Variants in JOSD1 observed in about 807,000 individuals in gnomAD.
JOSD1 encodes josephin-1.
JOSD1 carries 11 observed loss-of-function variants against 24.3 expected under a neutral mutation model. The ratio of observed to expected loss-of-function variants is 0.45; its 90% CI spans 0.29 to 0.75. The LOEUF (loss-of-function observed/expected upper bound fraction) is 0.75, where lower values mean the gene tolerates loss of function less well. Among genes scored for constraint, JOSD1 ranks in the 30% least tolerant of loss-of-function variants. The pLI, the probability that JOSD1 is intolerant of heterozygous loss-of-function variation, is 0.11. For missense variants in JOSD1, 184 were observed against 253.5 expected, an observed-to-expected ratio of 0.73 and a Z score of 1.86; for synonymous variants, 106 against 93.8, an observed-to-expected ratio of 1.13 and a Z score of -0.75.
chr22:38,685,600 A>C lies in JOSD1; in HGVS notation c.*2302T>G, dbSNP rs1034715983. On this transcript the variant is annotated 3_prime_UTR_variant, in exon 5 of 5. Coordinates refer to ENST00000683374, the MANE Select transcript of JOSD1 (RefSeq NM_001360236.2). ...TTTTCTTTACACAATTATAGAATTC[A>C]GGCAGACAAGGAGACATATATGGAG... 1 of 152,438 alleles carries C rather than the reference A, an allele frequency of 6.6e-6. No individual in the cohort carries two copies. The highest frequency in any genetic ancestry group is 1.5e-5 in the Non-Finnish European group (1 of 68,040). 9.4% of individuals were successfully genotyped at this position (152,438 alleles called of 1,614,324 possible). A position where few individuals can be genotyped will look rare whatever the true frequency, so the allele number is the denominator to read the frequency against.
chr22:38,688,101 C>A, intron 4 of JOSD1, 100 bp from the exon 5 acceptor site: 1 of 744,110 alleles, frequency 1.3e-6, no homozygotes, highest in South Asian at 1.5e-5. Flanking sequence ...CCTCGGCAGT[C>A]CAAAACACAT....
In JOSD1 at chr22:38,688,836, A is replaced by G. The variant is rs1023520812; in HGVS notation, c.509+99T>C. The G allele has an allele frequency of 1.7e-5, 19 of 1,125,858 alleles. No individual in the cohort carries two copies. The South Asian group carries it at 2.8e-4, about 17-fold the overall frequency. 69.7% of individuals were successfully genotyped at this position (1,125,858 alleles called of 1,614,324 possible). On this transcript the variant is annotated intron_variant, in intron 4 of 4. Coordinates refer to ENST00000683374, the MANE Select transcript of JOSD1 (RefSeq NM_001360236.2). ...CAGGGAGAGAATCCAAGGGCACAGGAATTTCATTTCCTTTGTCAAATAACC... is the reference window on the plus strand; with the variant it reads ...CAGGGAGAGAATCCAAGGGCACAGGGATTTCATTTCCTTTGTCAAATAACC...
At chr22:38,696,282 C>T (rs185343377) in intron 2 of JOSD1, among the ~76,000 whole-genome samples, 2 of 151,792 alleles carry the variant, frequency 1.3e-5, no homozygotes, top group East Asian at 3.9e-4. Context: ...CTGTTGCCCA[C>T]ACTACAGTAC....
chr22:38,700,951 G>A (rs1603149729), upstream of JOSD1: 2 of 984,750 alleles, frequency 2.0e-6, no homozygotes, highest in Non-Finnish European at 2.4e-6. Flanking sequence ...GGGCCGTGCG[G>A]GCGGGCGCGC....
intron 2 of JOSD1, among the ~76,000 whole-genome samples, chr22:38,695,172 G>A (rs2092539781): frequency 6.6e-6 from 1 of 152,174 alleles, no homozygotes; most frequent in African/African-American, 2.4e-5. Flanking sequence ...ATCCGTAGGT[G>A]TTAGCTATTA....
chr22:38,695,985 GGCGGA>G (rs1183045778), intron 2 of JOSD1, among the ~76,000 whole-genome samples: 4 of 152,114 alleles, frequency 2.6e-5, no homozygotes, highest in Non-Finnish European at 4.4e-5. Context: ...GAACCCAGAA[GGCGGA>G]GGCTGCAGTG....
Position 38,687,864 on chromosome 22 carries a change from T to C in JOSD1, c.*38A>G, listed in dbSNP as rs904529558. On this transcript the variant is annotated 3_prime_UTR_variant, in exon 5 of 5. Coordinates refer to ENST00000683374, the MANE Select transcript of JOSD1 (RefSeq NM_001360236.2). ...GAGGCCACAGCACGTCACAGAGGAC[T>C]GAAGGGGCTGAGGCGAGAGGGAGGT... 2.1e-6 allele frequency: 3 copies of C among 1,403,060 alleles called. No individual in the cohort carries two copies. Among genetic ancestry groups the C allele is most frequent in the Non-Finnish European group, 3.0e-6 (3 of 987,840 alleles). 86.9% of individuals were successfully genotyped at this position (1,403,060 alleles called of 1,614,324 possible).
intron 2 of JOSD1, among the ~76,000 whole-genome samples, chr22:38,693,755 T>G (rs2092533289): frequency 6.6e-6 from 1 of 152,134 alleles, no homozygotes; most frequent in Non-Finnish European, 1.5e-5. Flanking sequence ...TATTTCCTGT[T>G]CCAAGCCAAA....
At chr22:38,689,447 G>A (rs2145804805) in intron 2 of JOSD1, 23 bp from the exon 3 acceptor site, 1 of 1,613,188 alleles carries the variant, frequency 6.2e-7, no homozygotes, top group East Asian at 2.2e-5. Flanking sequence ...AAAGAGGAGG[G>A]CTGAGACTTG....
chr22:38,686,812 CTTTT>C lies in JOSD1; in HGVS notation c.*1086_*1089del, dbSNP rs199986173. 2 of 152,078 alleles carry C rather than the reference CTTTT, an allele frequency of 1.3e-5. No individual in the cohort carries two copies. Among genetic ancestry groups the C allele is most frequent in the African/African-American group, 4.8e-5 (2 of 41,398 alleles). The allele number at this position is 152,078 out of a possible 1,614,324, so 9.4% of individuals were successfully genotyped here. On this transcript the variant is annotated 3_prime_UTR_variant, in exon 5 of 5. Transcript: ENST00000683374. ...AGTGGAATTTGATGTCAAAAGCAGACTTTTTTTTCCTGATTTTGCCAGAGTGAGT... is the reference window on the plus strand; with the variant it reads ...AGTGGAATTTGATGTCAAAAGCAGACTTTTCCTGATTTTGCCAGAGTGAGT...
intron 2 of JOSD1, among the ~76,000 whole-genome samples, chr22:38,697,420 C>T (rs1056112062): frequency 3.3e-5 from 5 of 152,186 alleles, no homozygotes; most frequent in African/African-American, 1.2e-4. Flanking sequence ...GTACAATTTG[C>T]TAAAGCTTCA....
At chr22:38,691,087 G>A (rs1045602737) in intron 2 of JOSD1, among the ~76,000 whole-genome samples, 2 of 151,946 alleles carry the variant, frequency 1.3e-5, no homozygotes, top group African/African-American at 4.8e-5. Flanking sequence ...GCTCCTGGCC[G>A]GGAGTGGTGG....
In JOSD1 at chr22:38,700,071, C is replaced by T. The variant is rs1274320614; in HGVS notation, c.-84G>A. ...AGAATGTAAGCTTCTCAGTCTTTTC[C>T]GGATTCCTGAGGTCCACCTTATTCT... On this transcript the variant is annotated 5_prime_UTR_variant, in exon 2 of 5. Transcript: ENST00000683374. 1.3e-6 allele frequency: 2 copies of T among 1,501,456 alleles called. No individual in the cohort carries two copies. Among genetic ancestry groups the T allele is most frequent in the Non-Finnish European group, 8.9e-7 (1 of 1,128,164 alleles). The allele number at this position is 1,501,456 out of a possible 1,614,324, so 93.0% of individuals were successfully genotyped here. A position where few individuals can be genotyped will look rare whatever the true frequency, so the allele number is the denominator to read the frequency against.
At chr22:38,701,335 C>T (rs1603150178), upstream of JOSD1, 4 of 152,424 alleles carry the variant, frequency 2.6e-5, no homozygotes. Context: ...CAGTCCGCGG[C>T]TTTCAGCACC....
chr22:38,692,106 GTAA>G (rs1236349176), intron 2 of JOSD1, among the ~76,000 whole-genome samples: 1 of 152,138 alleles, frequency 6.6e-6, no homozygotes, highest in African/African-American at 2.4e-5. Context: ...TATCTTACCT[GTAA>G]TAATAACTAT....
Position 38,698,131 on chromosome 22 carries a change from T to G in JOSD1, c.185+1672A>C, listed in dbSNP as rs555825071. Among the ~76,000 whole-genome samples the G allele has an allele frequency of 2.0e-5, 3 of 152,178 alleles. No individual in the cohort carries two copies. The South Asian group carries it at 6.2e-4, about 32-fold the overall frequency. ...AGGAAATAATTTGCAAATATCTGAT[T>G]AGGAGTAGGAGAAATACTAATGGCT... On this transcript the variant is annotated intron_variant, in intron 2 of 4. Transcript: ENST00000683374.
chr22:38,698,767 T>A (rs2092555431), intron 2 of JOSD1, among the ~76,000 whole-genome samples: 1 of 152,050 alleles, frequency 6.6e-6, no homozygotes, highest in Non-Finnish European at 1.5e-5. Context: ...AAGCTGAACT[T>A]CTTTTTTTGT....
chr22:38,699,547 C>T (rs962339563), intron 2 of JOSD1, among the ~76,000 whole-genome samples: 4 of 152,214 alleles, frequency 2.6e-5, no homozygotes, highest in Non-Finnish European at 5.9e-5. Context: ...AATAACATCA[C>T]ATATTAACAC....
At chr22:38,700,742 A>G (rs1403564781) in intron 1 of JOSD1, 58 bp downstream of exon 1, 1 of 981,864 alleles carries the variant, frequency 1.0e-6, no homozygotes, top group African/African-American at 1.8e-5. Context: ...GTGGGGCCGG[A>G]CAGTCAGCCT....
Sources: gnomAD v4.1 joint callset for allele counts (sites outside exome capture counted in the v4.1 genomes callset) on GRCh38, gnomAD v4.1.1 for gene constraint, MANE v1.5 for transcripts, NCBI Gene and HGNC (gene_info 2026-07-23, HGNC 2026-07-21) for gene names.